Variants in OIT3 observed in about 807,000 individuals in gnomAD.
The protein encoded by OIT3 is oncoprotein-induced transcript 3 protein.
A neutral mutation model predicts 52.2 loss-of-function variants in OIT3; 41 were observed. The observed-to-expected ratio is 0.79, with a 90% confidence interval of 0.61 to 1.02. The LOEUF is 1.02. OIT3 is among the 50% of genes least tolerant of loss of function. The pLI is 0.00. For synonymous variants in OIT3, 244 were observed against 276.9 expected, an observed-to-expected ratio of 0.88 and a Z score of 1.18; for missense variants, 634 against 715.5, an observed-to-expected ratio of 0.89 and a Z score of 1.30.
rs148936644 is a variant in OIT3 at position 72,915,584 on chromosome 10, C to T, written c.951+2116C>T. On this transcript the variant is annotated intron_variant, in intron 6 of 8. Transcript: ENST00000334011. Reference sequence around the variant, plus strand: ...ACATTGCACTCATGGCCAGCAGCACCGCAACTCATGTCTGGAGTTTATCAA... The same window carrying T: ...ACATTGCACTCATGGCCAGCAGCACTGCAACTCATGTCTGGAGTTTATCAA... Among the ~76,000 whole-genome samples, 782 of 152,212 alleles carry T rather than the reference C, an allele frequency of 5.1e-3. 6 individuals are homozygous for T. Among genetic ancestry groups the T allele is most frequent in the Middle Eastern group, 0.014 (4 of 294 alleles).
At chr10:72,929,057 A>G (rs1846192039) in intron 7 of OIT3, among the ~76,000 whole-genome samples, 1 of 152,028 alleles carries the variant, frequency 6.6e-6, no homozygotes, top group African/African-American at 2.4e-5. Context: ...AAAAATGAAA[A>G]TTAGCCGGGC....
At chr10:72,922,605 T>C (rs1015570674) in intron 6 of OIT3, among the ~76,000 whole-genome samples, 28 of 152,226 alleles carry the variant, frequency 1.8e-4, no homozygotes, top group Admixed American at 1.6e-3. Flanking sequence ...GATTTTTAGC[T>C]TCCTTGCATT....
At chr10:72,918,203 A>G in intron 6 of OIT3, 1 of 935,520 alleles carries the variant, frequency 1.1e-6, no homozygotes, top group Non-Finnish European at 1.7e-6. Context: ...GCTGTCCACT[A>G]ATATGCACTG....
At chr10:72,894,998 A>G (rs1345194351) in intron 1 of OIT3, among the ~76,000 whole-genome samples, 1 of 152,190 alleles carries the variant, frequency 6.6e-6, no homozygotes, top group Non-Finnish European at 1.5e-5. Flanking sequence ...AACTAAGGGA[A>G]TCTGAATAAG....
intron 1 of OIT3, among the ~76,000 whole-genome samples, chr10:72,894,741 A>C (rs953744090): frequency 6.6e-6 from 1 of 152,064 alleles, no homozygotes; most frequent in Admixed American, 6.6e-5. Flanking sequence ...CAAAAAAATT[A>C]GATGGTCATG....
rs1191346407 is a variant in OIT3 at position 72,898,892 on chromosome 10, A to G, written c.290A>G (p.Asp97Gly). Residue 97 changes from aspartate (D) to glycine (G), a missense_variant, in exon 2 of 9, where the codon GAC (aspartate) becomes GGC (glycine). Transcript: ENST00000334011. The part of the protein sequence containing the change: ...WLNGSHPLEG[D>G]GIVQRQACAS... The stretch of plus-strand genomic sequence containing the variant: ...AATGGCAGCCACCCCCTAGAAGGCG[A>G]CGGCATTGTGCAACGCCAGGCTTGT... The G allele has an allele frequency of 6.2e-7, 1 of 1,614,158 alleles. No homozygotes were observed. Among genetic ancestry groups the G allele is most frequent in the Middle Eastern group, 1.6e-4 (1 of 6,062 alleles).
At chr10:72,902,456 C>T (rs574862811) in intron 3 of OIT3, among the ~76,000 whole-genome samples, 4 of 152,224 alleles carry the variant, frequency 2.6e-5, no homozygotes, top group Non-Finnish European at 4.4e-5. Context: ...CCCAAGGAAA[C>T]GGCTGTATTA....
At chr10:72,896,043 T>C (rs1252363135) in intron 1 of OIT3, among the ~76,000 whole-genome samples, 6 of 152,108 alleles carry the variant, frequency 3.9e-5, no homozygotes, top group Non-Finnish European at 7.4e-5. Flanking sequence ...AATATATATG[T>C]ATTATTTAAT....
intron 4 of OIT3, among the ~76,000 whole-genome samples, chr10:72,911,225 C>A (rs145818582): frequency 1.3e-5 from 2 of 152,302 alleles, no homozygotes; most frequent in East Asian, 3.9e-4. Flanking sequence ...CCGTTTACCC[C>A]CAGTGCTCTT....
chr10:72,900,307 T>G (rs1845920522), intron 2 of OIT3, 70 bp from the exon 3 acceptor site: 13 of 476,012 alleles, frequency 2.7e-5, no homozygotes, highest in East Asian at 5.0e-5. Flanking sequence ...CCCCGCACCA[T>G]CTCTAAAAAG....
intron 1 of OIT3, among the ~76,000 whole-genome samples, chr10:72,895,926 A>T (rs1845871785): frequency 6.6e-6 from 1 of 152,206 alleles, no homozygotes; most frequent in Admixed American, 6.5e-5. Context: ...TAAAAACAGG[A>T]TATAAGACCA....
Position 72,924,356 on chromosome 10 carries a change from G to A in OIT3, c.1079G>A (p.Arg360His), listed in dbSNP as rs777915231. 17 of 1,614,068 alleles carry A rather than the reference G, an allele frequency of 1.1e-5. No homozygotes were observed. Among genetic ancestry groups the A allele is most frequent in the Admixed American group, 1.7e-5 (1 of 60,018 alleles). ...LLIPVTCEFP[R>H]LYTISEGYVP... Reference sequence around the variant, plus strand: ...ATCCCGGTGACCTGCGAGTTTCCACGCCTGTACACCATTTCTGAAGGATAC... The same window carrying A: ...ATCCCGGTGACCTGCGAGTTTCCACACCTGTACACCATTTCTGAAGGATAC... The change falls in exon 7 of 9, where the codon CGC becomes CAC. Residue 360 changes from arginine to histidine, a missense_variant. Coordinates refer to ENST00000334011, the MANE Select transcript of OIT3 (RefSeq NM_152635.3).
chr10:72,917,748 C>A (rs371482944), intron 6 of OIT3: 1 of 1,255,356 alleles, frequency 8.0e-7, no homozygotes. Context: ...AAGAGAATCA[C>A]CTTTTTCTGT....
At position 72,904,558 on chromosome 10, in the gene OIT3, TTC is replaced by T. The variant is rs1845962282; in HGVS notation, c.545-2036_545-2035del. On this transcript the variant is annotated intron_variant, in intron 3 of 8. Transcript: ENST00000334011. Reference sequence around the variant, plus strand: ...TATCAACATTTTGCATTTCTACAAGTTCTGTTTGTTTGTTTTCAGTTCTGCCT... The same window carrying T: ...TATCAACATTTTGCATTTCTACAAGTTGTTTGTTTGTTTTCAGTTCTGCCT... Among the ~76,000 whole-genome samples the T allele has an allele frequency of 2.6e-5, 4 of 152,278 alleles. No individual in the cohort carries two copies. In the South Asian group the frequency reaches 8.3e-4, roughly 32 times the overall value.
chr10:72,929,585 T>C (rs1218348145), intron 7 of OIT3, among the ~76,000 whole-genome samples: 1 of 152,016 alleles, frequency 6.6e-6, no homozygotes, highest in Admixed American at 6.6e-5. Context: ...TTTTTTTTTT[T>C]TTTTAGAGAC....
intron 7 of OIT3, among the ~76,000 whole-genome samples, chr10:72,924,985 C>T (rs935402528): frequency 3.3e-5 from 5 of 151,924 alleles, no homozygotes; most frequent in African/African-American, 9.7e-5. Context: ...GTGGCAGGCA[C>T]CTGTAATCCC....
intron 6 of OIT3, among the ~76,000 whole-genome samples, chr10:72,915,935 A>G (rs1003684274): frequency 6.6e-6 from 1 of 152,178 alleles, no homozygotes; most frequent in Non-Finnish European, 1.5e-5. Flanking sequence ...GAATTCACAC[A>G]TACCAAATCC....
intron 6 of OIT3, among the ~76,000 whole-genome samples, chr10:72,915,482 C>T (rs1459702756): frequency 1.3e-5 from 2 of 152,182 alleles, no homozygotes; most frequent in Admixed American, 6.5e-5. Flanking sequence ...TTTTTGTTAA[C>T]TGATCAGTTA....
intron 2 of OIT3, among the ~76,000 whole-genome samples, chr10:72,900,034 A>G (rs1845917938): frequency 6.6e-6 from 1 of 152,180 alleles, no homozygotes. Flanking sequence ...GTTGGGAATC[A>G]TTGATCTAGA....
Sources: allele counts gnomAD v4.1 joint callset (sites outside exome capture counted in the v4.1 genomes callset), GRCh38; gene constraint gnomAD v4.1.1; transcripts MANE v1.5; gene names NCBI Gene and HGNC (gene_info 2026-07-23, HGNC 2026-07-21).